KIT: variants seen among roughly 807,000 people sequenced by gnomAD.
KIT encodes mast/stem cell growth factor receptor Kit.
KIT carries 16 observed loss-of-function variants against 105.7 expected under a neutral mutation model. The ratio of observed to expected loss-of-function variants is 0.15; its 90% confidence interval spans 0.10 to 0.23. The LOEUF (loss-of-function observed/expected upper bound fraction) is 0.23, where lower values mean the gene tolerates loss of function less well. Ranked by LOEUF, KIT falls within the 10% of genes least tolerant of loss-of-function variation. The probability of loss-of-function intolerance (pLI) is 1.00; values close to 1 mark genes in which losing one functional copy is unlikely to be tolerated. For synonymous variants in KIT, 438 were observed against 441.1 expected, an observed-to-expected ratio of 0.99 and a Z score of 0.09; for missense variants, 858 against 1,213.8, an observed-to-expected ratio of 0.71 and a Z score of 4.36.
chr4:54,682,854 C>T lies in KIT; in HGVS notation c.68-12658C>T, dbSNP rs573133342. ...GCAACCTCTGCCTCCCTGGTTCAAA[C>T]GATTCTTGTGCCTCAGCCTCCTGAG... On this transcript the variant is annotated intron_variant, in intron 1 of 20. Coordinates refer to ENST00000288135, the MANE Select transcript of KIT (RefSeq NM_000222.3). Among the ~76,000 whole-genome samples, 8 of 151,000 alleles carry T rather than the reference C, an allele frequency of 5.3e-5. No individual in the cohort carries two copies. The East Asian group carries it at 5.9e-4, about 11-fold the overall frequency.
intron 1 of KIT, among the ~76,000 whole-genome samples, chr4:54,694,881 T>A (rs1364591365): frequency 6.6e-6 from 1 of 152,182 alleles, no homozygotes; most frequent in African/African-American, 2.4e-5. Context: ...AGCCTAAAGT[T>A]TGCATCTTTA....
intron 1 of KIT, among the ~76,000 whole-genome samples, chr4:54,671,595 G>A (rs1718113475): frequency 3.3e-5 from 5 of 152,084 alleles, no homozygotes; most frequent in Admixed American, 2.6e-4. Context: ...AGCACCTATT[G>A]TTTTGGGTGA....
intron 7 of KIT, among the ~76,000 whole-genome samples, chr4:54,720,158 T>A (rs1721773985): frequency 6.6e-6 from 1 of 152,162 alleles, no homozygotes; most frequent in African/African-American, 2.4e-5. Flanking sequence ...TGCTGGGTTA[T>A]ACCCTCAGCT....
At chr4:54,663,340 G>T (rs1373681142) in intron 1 of KIT, among the ~76,000 whole-genome samples, 1 of 152,114 alleles carries the variant, frequency 6.6e-6, no homozygotes, top group African/African-American at 2.4e-5. Context: ...CTGTAAAATG[G>T]AGATGATGAC....
At chr4:54,707,845 A>C (rs73818389) in intron 6 of KIT, among the ~76,000 whole-genome samples, 5,785 of 152,232 alleles carry the variant, frequency 0.038, 239 homozygotes, top group East Asian at 0.21. Flanking sequence ...CTGAAGCCTC[A>C]CAGACTTTGT....
intron 1 of KIT, among the ~76,000 whole-genome samples, chr4:54,670,037 C>T (rs1028924620): frequency 1.3e-5 from 2 of 152,326 alleles, no homozygotes; most frequent in African/African-American, 4.8e-5. Context: ...GTTTCTGTAA[C>T]TTCAGAGCAG....
At chr4:54,683,750 C>T (rs149872528) in intron 1 of KIT, among the ~76,000 whole-genome samples, 162 of 152,274 alleles carry the variant, frequency 1.1e-3, no homozygotes, top group African/African-American at 3.9e-3. Flanking sequence ...TGTTCTCTAT[C>T]TTGGGAGTGC....
chr4:54,672,136 T>A (rs1478284719), intron 1 of KIT, among the ~76,000 whole-genome samples: 1 of 152,262 alleles, frequency 6.6e-6, no homozygotes, highest in African/African-American at 2.4e-5. Flanking sequence ...TTGGTTGATA[T>A]GTCCTTTAAG....
At chr4:54,678,880 T>G (rs1718707079) in intron 1 of KIT, among the ~76,000 whole-genome samples, 1 of 152,172 alleles carries the variant, frequency 6.6e-6, no homozygotes, top group Non-Finnish European at 1.5e-5. Context: ...CCACATGTAT[T>G]TTGTTTTATA....
intron 8 of KIT, among the ~76,000 whole-genome samples, chr4:54,724,043 T>C (rs895209857): frequency 2.0e-5 from 3 of 152,352 alleles, no homozygotes; most frequent in African/African-American, 7.2e-5. Flanking sequence ...GAAATGTGAC[T>C]GTAGTTATCA....
intron 1 of KIT, among the ~76,000 whole-genome samples, chr4:54,678,289 G>A (rs376133423): frequency 2.6e-3 from 351 of 136,020 alleles, no homozygotes; most frequent in African/African-American, 9.5e-3. Context: ...TGGCTGGCTC[G>A]CTCCTTCCTT....
intron 1 of KIT, among the ~76,000 whole-genome samples, chr4:54,680,469 G>A (rs1220954736): frequency 6.8e-6 from 1 of 146,252 alleles, no homozygotes; most frequent in Non-Finnish European, 1.5e-5. Context: ...TCTGCTCACT[G>A]CAACCTCCGC....
chr4:54,730,483 T>G (rs1052689329), intron 14 of KIT, among the ~76,000 whole-genome samples: 3 of 152,166 alleles, frequency 2.0e-5, no homozygotes, highest in Admixed American at 2.0e-4. Flanking sequence ...TTATTTTTTT[T>G]TAATCCTATA....
chr4:54,735,849 C>G (rs765497380), intron 17 of KIT, among the ~76,000 whole-genome samples: 4 of 151,894 alleles, frequency 2.6e-5, no homozygotes, highest in Non-Finnish European at 5.9e-5. Flanking sequence ...CATGGAGTAC[C>G]CGGGCAAGTC....
chr4:54,666,615 G>A (rs1334033270), intron 1 of KIT, among the ~76,000 whole-genome samples: 1 of 152,042 alleles, frequency 6.6e-6, no homozygotes, highest in African/African-American at 2.4e-5. Flanking sequence ...CATTAGAAGG[G>A]TTGGCAGAGA....
rs867039252 is a variant in KIT at position 54,729,429 on chromosome 4, A to AG, written c.2086dup (p.Asp696GlyfsTer9). 6.2e-7 allele frequency: 1 copy of AG among 1,613,658 alleles called. No homozygotes were observed. The highest frequency in any genetic ancestry group is 8.5e-7 in the Non-Finnish European group (1 of 1,179,796). ...ATTCATTTATTTGTTCAAAGCAGGA[A>AG]GATCATGCAGAAGCTGCACTTTATA... On this transcript the variant is annotated frameshift_variant, in exon 14 of 21. Transcript: ENST00000288135. LOFTEE classifies it high-confidence loss of function.
rs202032190 is a variant in KIT, at chr4:54,695,795, T to G, written c.337+14T>G. 2.9e-5 allele frequency: 47 copies of G among 1,614,100 alleles called. No homozygotes were observed. The highest frequency in any genetic ancestry group is 8.5e-6 in the Non-Finnish European group (10 of 1,180,030). On this transcript the variant is annotated intron_variant, in intron 2 of 20. Transcript: ENST00000288135. ...TGTTTGTTAGAGGTAAATGCTTGGCTTTCTGCAGTGCTGTGCTTTCAAGAA... is the reference window on the plus strand; with the variant it reads ...TGTTTGTTAGAGGTAAATGCTTGGCGTTCTGCAGTGCTGTGCTTTCAAGAA...
In KIT at chr4:54,738,694, C is replaced by T. The variant is rs987863504; in HGVS notation, c.*137C>T. The T allele has an allele frequency of 7.3e-6, 8 of 1,094,740 alleles. No homozygotes were observed. Among genetic ancestry groups the T allele is most frequent in the Non-Finnish European group, 1.1e-5 (8 of 722,766 alleles). 67.8% of individuals were successfully genotyped at this position (1,094,740 alleles called of 1,614,324 possible). A position where few individuals can be genotyped will look rare whatever the true frequency, so the allele number is the denominator to read the frequency against. ...CACTGCAATCCTGTCTTTCTGAGCA[C>T]ACTTTAGTGGCCGATGATTTTTGTC... On this transcript the variant is annotated 3_prime_UTR_variant, in exon 21 of 21. Transcript: ENST00000288135.
At chr4:54,690,757 T>G (rs879405095) in intron 1 of KIT, among the ~76,000 whole-genome samples, 1 of 152,208 alleles carries the variant, frequency 6.6e-6, no homozygotes, top group African/African-American at 2.4e-5. Flanking sequence ...CAAAGCTAAG[T>G]TGGAATACCT....
Sources: gnomAD v4.1 joint callset for allele counts (sites outside exome capture counted in the v4.1 genomes callset) on GRCh38, gnomAD v4.1.1 for gene constraint, MANE v1.5 for transcripts, NCBI Gene and HGNC (gene_info 2026-07-23, HGNC 2026-07-21) for gene names.